Variants in PDE6A observed in about 807,000 individuals in gnomAD.
PDE6A encodes phosphodiesterase 6A, also known as rod cGMP-specific 3',5'-cyclic phosphodiesterase subunit alpha.
PDE6A carries 84 observed loss-of-function variants against 106.3 expected under a neutral mutation model. The ratio of observed to expected loss-of-function variants is 0.79; its 90% CI spans 0.66 to 0.95. The LOEUF is 0.95. PDE6A is among the 40% of genes least tolerant of loss of function. The pLI, the probability that PDE6A is intolerant of heterozygous loss-of-function variation, is 0.00. For missense variants in PDE6A, 1,052 were observed against 1,084.9 expected (o/e 0.97, Z 0.43); for synonymous variants, 394 against 386.6 (o/e 1.02, Z -0.23).
intron 13 of PDE6A, among the ~76,000 whole-genome samples, chr5:149,887,527 T>C (rs867455048): frequency 6.6e-6 from 1 of 152,012 alleles, no homozygotes; most frequent in African/African-American, 2.4e-5. Flanking sequence ...GTGGACATGG[T>C]GGCACATACC....
chr5:149,917,107 C>T (rs1273032560), intron 5 of PDE6A, among the ~76,000 whole-genome samples: 1 of 149,950 alleles, frequency 6.7e-6, no homozygotes. Context: ...AGTACAAGTG[C>T]AGTGGCATGA....
chr5:149,915,115 A>C (rs1052485046), intron 5 of PDE6A, 108 bp from the exon 6 acceptor site: 4 of 659,742 alleles, frequency 6.1e-6, no homozygotes, highest in African/African-American at 5.7e-5. Flanking sequence ...GCTCACTGCA[A>C]CCTCCATCTC....
chr5:149,925,177 G>A (rs777185596), intron 4 of PDE6A, among the ~76,000 whole-genome samples: 1 of 151,976 alleles, frequency 6.6e-6, no homozygotes, highest in African/African-American at 2.4e-5. Context: ...GACAATTCAC[G>A]GAAAAATCTA....
In PDE6A at chr5:149,944,720, C is replaced by G; in HGVS notation, c.-47G>C. 6.7e-7 allele frequency: 1 copy of G among 1,492,946 alleles called. No homozygotes were observed. The highest frequency in any genetic ancestry group is 9.1e-7 in the Non-Finnish European group (1 of 1,093,780). The allele number at this position is 1,492,946 out of a possible 1,614,324, so 92.5% of individuals were successfully genotyped here. A position where few individuals can be genotyped will look rare whatever the true frequency, so the allele number is the denominator to read the frequency against. On this transcript the variant is annotated 5_prime_UTR_variant, in exon 1 of 22. Coordinates refer to ENST00000255266, the MANE Select transcript of PDE6A (RefSeq NM_000440.3). ...CTCTGTAGAAGGACTGGGACGGAGG[C>G]CTTCCAATGGCAGTTTTGCAGTCTG...
At chr5:149,875,485 C>CTTTTTTTTTT (rs1438091330) in intron 17 of PDE6A, among the ~76,000 whole-genome samples, 1 of 148,204 alleles carries the variant, frequency 6.7e-6, no homozygotes, top group Non-Finnish European at 1.5e-5. Flanking sequence ...TACATACTGA[C>CTTTTTTTTTT]TATTTTTTTT....
Position 149,899,533 on chromosome 5 carries a change from G to T in PDE6A, c.1114-9C>A. On this transcript the variant is annotated splice_polypyrimidine_tract_variant and intron_variant, in intron 8 of 21. Coordinates refer to ENST00000255266, the MANE Select transcript of PDE6A (RefSeq NM_000440.3). Reference sequence around the variant, plus strand: ...TCATCCAGAGGTTCTTTCTACAAGAGAAGGGCTAGATTAGGTTTCCTCTTG... The same window carrying T: ...TCATCCAGAGGTTCTTTCTACAAGATAAGGGCTAGATTAGGTTTCCTCTTG... 3.1e-6 allele frequency: 5 copies of T among 1,613,926 alleles called. No homozygotes were observed. The highest frequency in any genetic ancestry group is 4.2e-6 in the Non-Finnish European group (5 of 1,179,792).
chr5:149,883,120 A>G (rs939802747), intron 17 of PDE6A, among the ~76,000 whole-genome samples: 3 of 152,220 alleles, frequency 2.0e-5, no homozygotes, highest in Admixed American at 6.5e-5. Context: ...GTTGTATCAA[A>G]AACTTAAAAG....
chr5:149,924,219 A>G (rs147905304), intron 4 of PDE6A, among the ~76,000 whole-genome samples: 5 of 152,310 alleles, frequency 3.3e-5, no homozygotes, highest in South Asian at 2.1e-4. Flanking sequence ...TAAATGAGGC[A>G]AGAACCAAAA....
chr5:149,899,428 A>G lies in PDE6A; in HGVS notation c.1210T>C (p.Tyr404His). The G allele has an allele frequency of 1.2e-6, 2 of 1,614,136 alleles. No individual in the cohort carries two copies. Among genetic ancestry groups the G allele is most frequent in the Non-Finnish European group, 1.7e-6 (2 of 1,179,990 alleles). ...KEEIVGVATF[Y>H]NRKDGKPFDE... is the part of the protein sequence containing the mutation. Reference sequence around the variant, plus strand: ...AAGGGCTTCCCATCTTTACGATTGTAAAATGTGGCCACTCCAACAATTTCT... The same window carrying G: ...AAGGGCTTCCCATCTTTACGATTGTGAAATGTGGCCACTCCAACAATTTCT... The change falls in exon 9 of 22, where the codon TAC becomes CAC. Residue 404 changes from tyrosine (Y) to histidine (H), a missense_variant. Transcript: ENST00000255266.
At chr5:149,925,489 T>C (rs1447165423) in intron 4 of PDE6A, among the ~76,000 whole-genome samples, 1 of 152,066 alleles carries the variant, frequency 6.6e-6, no homozygotes, top group East Asian at 1.9e-4. Context: ...GGCAGACCAC[T>C]TGAGGTCAGG....
chr5:149,921,822 A>C, intron 4 of PDE6A, 113 bp from the exon 5 acceptor site: 1 of 818,054 alleles, frequency 1.2e-6, no homozygotes. Flanking sequence ...AGTGAGAAGA[A>C]CTCAGTGAAA....
chr5:149,911,178 G>A lies in PDE6A; in HGVS notation c.998+3765C>T, dbSNP rs1046370457. ...TTATAGGTGTGAGCCACTGTGCCCGGCAACAAGCCAGTTTCAATTGGCATG... is the reference window on the plus strand; with the variant it reads ...TTATAGGTGTGAGCCACTGTGCCCGACAACAAGCCAGTTTCAATTGGCATG... On this transcript the variant is annotated intron_variant, in intron 6 of 21. Transcript: ENST00000255266. Among the ~76,000 whole-genome samples, 7 of 152,098 alleles carry A rather than the reference G, an allele frequency of 4.6e-5. No homozygotes were observed. In the South Asian group the frequency reaches 1.5e-3, roughly 32 times the overall value.
At chr5:149,876,223 C>A (rs892329338) in intron 17 of PDE6A, among the ~76,000 whole-genome samples, 3 of 151,818 alleles carry the variant, frequency 2.0e-5, no homozygotes, top group Non-Finnish European at 4.4e-5. Flanking sequence ...ACTCAAAGCA[C>A]CCTTTTTTGA....
chr5:149,942,042 G>T (rs1189370093), intron 1 of PDE6A, among the ~76,000 whole-genome samples: 1 of 152,006 alleles, frequency 6.6e-6, no homozygotes. Context: ...GCTCACTGCA[G>T]CCTCAACCTC....
intron 17 of PDE6A, among the ~76,000 whole-genome samples, chr5:149,870,570 A>ATC (rs146670008): frequency 0.015 from 2,307 of 152,272 alleles, 61 homozygotes; most frequent in African/African-American, 0.053. Flanking sequence ...TTTTATAGAC[A>ATC]GAGATTTGCT....
chr5:149,896,631 G>A (rs912350110), intron 11 of PDE6A, 80 bp downstream of exon 11: 28 of 1,613,578 alleles, frequency 1.7e-5, no homozygotes, highest in Non-Finnish European at 2.3e-5. Context: ...AACATGCTTT[G>A]CAAGGAGAAA....
At position 149,866,179 on chromosome 5, in the gene PDE6A, G is replaced by A. The variant is rs202092523; in HGVS notation, c.2349C>T (p.Phe783=). The part of the protein sequence containing the change: ...QVGFIDFVCT[F]VYKEFSRFHE... The stretch of plus-strand genomic sequence containing the variant: ...GAAGCCAAGGGCCTACCTTGTAGAC[G>A]AAGGTGCAAACAAAGTCAATGAAGC... Residue 783 remains phenylalanine (F), a synonymous_variant, in exon 20 of 22, where the codon TTC becomes TTT. Coordinates refer to ENST00000255266, the MANE Select transcript of PDE6A (RefSeq NM_000440.3). 113 of 1,612,060 alleles carry A rather than the reference G, an allele frequency of 7.0e-5. No homozygotes were observed. Among genetic ancestry groups the A allele is most frequent in the Middle Eastern group, 1.6e-4 (1 of 6,080 alleles).
chr5:149,906,531 A>AAAAAAAAAAAAAAAAAAAAAAAAAAAAAC (rs1753194394), intron 7 of PDE6A, among the ~76,000 whole-genome samples: 1 of 148,434 alleles, frequency 6.7e-6, no homozygotes, highest in Non-Finnish European at 1.5e-5. Context: ...AAAAAAAAAA[A>AAAAAAAAAAAAAAAAAAAAAAAAAAAAAC]AAAAAAATCC....
At chr5:149,865,839 A>G (rs1760312173) in intron 20 of PDE6A, among the ~76,000 whole-genome samples, 1 of 152,224 alleles carries the variant, frequency 6.6e-6, no homozygotes, top group South Asian at 2.1e-4. Context: ...TCTTTTCACA[A>G]TTACTTTTGG....
Sources: allele counts gnomAD v4.1 joint callset (sites outside exome capture counted in the v4.1 genomes callset), GRCh38; gene constraint gnomAD v4.1.1; transcripts MANE v1.5; gene names NCBI Gene and HGNC (gene_info 2026-07-23, HGNC 2026-07-21).